The following DAB1 variants were observed in gnomAD, a reference collection of about 807,000 sequenced individuals.
DAB1 encodes the protein DAB adaptor protein 1, also known as disabled homolog 1.
In DAB1, 15 loss-of-function variants were observed where a neutral mutation model predicts 64.6. That is an observed-to-expected ratio of 0.23 (90% CI 0.16 to 0.36). DAB1 has a LOEUF of 0.36. Ranked by LOEUF, DAB1 falls within the 10% of genes least tolerant of loss-of-function variation. DAB1 has a pLI of 1.00. For missense variants in DAB1, 596 were observed against 706.7 expected (o/e 0.84, Z 1.78); for synonymous variants, 235 against 251.9 (o/e 0.93, Z 0.64).
At chr1:57,188,449 A>T (rs992649450) in intron 2 of DAB1, among the ~76,000 whole-genome samples, 2 of 152,190 alleles carry the variant, frequency 1.3e-5, no homozygotes, top group African/African-American at 4.8e-5. Flanking sequence ...ATATAGTGAG[A>T]CCTAATGAAA....
intron 4 of DAB1, among the ~76,000 whole-genome samples, chr1:58,202,034 T>C (rs1007040699): frequency 3.3e-5 from 5 of 152,158 alleles, no homozygotes; most frequent in Admixed American, 6.5e-5. Context: ...GAAATGGGGA[T>C]GACAACAATC....
chr1:57,200,031 T>C (rs955610962), intron 2 of DAB1, among the ~76,000 whole-genome samples: 2 of 152,198 alleles, frequency 1.3e-5, no homozygotes, highest in Non-Finnish European at 2.9e-5. Context: ...ACTAGGTGAC[T>C]GAAACCACTA....
chr1:57,073,829 T>G (rs1225343530), intron 4 of DAB1, among the ~76,000 whole-genome samples: 1 of 152,250 alleles, frequency 6.6e-6, no homozygotes, highest in Non-Finnish European at 1.5e-5. Flanking sequence ...TTATTCCTAA[T>G]AAGTCTACAT....
At chr1:57,033,516 T>G (rs1230573401) in intron 9 of DAB1, 6 of 1,612,752 alleles carry the variant, frequency 3.7e-6, no homozygotes, top group African/African-American at 1.3e-5. Flanking sequence ...AGGGCTGTAA[T>G]TCTTACCGGG....
chr1:58,183,833 G>A lies in DAB1; in HGVS notation n.310-33245C>T, dbSNP rs191766230. Among the ~76,000 whole-genome samples the A allele has an allele frequency of 5.9e-5, 9 of 152,024 alleles. No individual in the cohort carries two copies. The South Asian group carries it at 6.2e-4, about 11-fold the overall frequency. On this transcript the variant is annotated intron_variant and non_coding_transcript_variant, in intron 4 of 20. Transcript: ENST00000485760. ...CCAGATTGTACAGCCACTAATGCTT[G>A]CAATCAGTTTTTCTTTTATTCCTCT...
At chr1:58,522,880 C>T (rs1421528095) in intron 2 of DAB1, among the ~76,000 whole-genome samples, 1 of 152,152 alleles carries the variant, frequency 6.6e-6, no homozygotes, top group Non-Finnish European at 1.5e-5. Flanking sequence ...TATCTTCACA[C>T]TGAGTAGACT....
At chr1:57,693,152 G>A (rs1646783633) in intron 6 of DAB1, among the ~76,000 whole-genome samples, 1 of 151,580 alleles carries the variant, frequency 6.6e-6, no homozygotes, top group Non-Finnish European at 1.5e-5. Context: ...CCTTTCACTG[G>A]CCTAAAGAGT....
chr1:57,454,260 C>T (rs1258730799), intron 7 of DAB1, among the ~76,000 whole-genome samples: 1 of 152,022 alleles, frequency 6.6e-6, no homozygotes, highest in African/African-American at 2.4e-5. Context: ...AACCTAACTG[C>T]CCATCAGTGA....
chr1:57,932,844 G>T lies in DAB1; in HGVS notation n.388-48682C>A, dbSNP rs531253736. On this transcript the variant is annotated intron_variant and non_coding_transcript_variant, in intron 5 of 20. Transcript: ENST00000485760. ...ATTTGTATCTTTATATGTAAAATGG[G>T]TTTCTTGTAGACAAAATATAGTTGG... 4.6e-5 allele frequency among the ~76,000 whole-genome samples: 7 copies of T among 152,148 alleles called. No individual in the cohort carries two copies. The East Asian group carries it at 1.2e-3, about 25-fold the overall frequency.
chr1:57,028,602 C>T lies in DAB1; in HGVS notation c.724-2559G>A, dbSNP rs1190667845. ...GAACTTCCTAGAGACTTGTTGAATG[C>T]CTTTGCCCAAAATGCTGATAGTGAT... On this transcript the variant is annotated intron_variant, in intron 9 of 14. Transcript: ENST00000371236. 7.9e-5 allele frequency among the ~76,000 whole-genome samples: 12 copies of T among 152,226 alleles called. No homozygotes were observed. In the East Asian group the frequency reaches 2.1e-3, roughly 27 times the overall value.
intron 2 of DAB1, among the ~76,000 whole-genome samples, chr1:58,517,152 G>C (rs1210615529): frequency 6.6e-6 from 1 of 152,142 alleles, no homozygotes; most frequent in African/African-American, 2.4e-5. Context: ...GATTTGAAGA[G>C]GTTAAGTGAT....
At chr1:58,122,183 G>T (rs1652784713) in intron 5 of DAB1, among the ~76,000 whole-genome samples, 1 of 152,186 alleles carries the variant, frequency 6.6e-6, no homozygotes, top group African/African-American at 2.4e-5. Flanking sequence ...GAACCAAAGA[G>T]AATATCTTAG....
upstream of DAB1, among the ~76,000 whole-genome samples, chr1:57,886,163 CTTTT>C (rs36101963): frequency 3.1e-5 from 4 of 129,484 alleles, no homozygotes; most frequent in African/African-American, 2.9e-5. Context: ...GCCTACTATT[CTTTT>C]TTTTTTTTTT....
intron 7 of DAB1, among the ~76,000 whole-genome samples, chr1:57,451,369 T>A (rs2101154332): frequency 1.3e-5 from 2 of 152,360 alleles, no homozygotes; most frequent in South Asian, 4.1e-4. Flanking sequence ...TATCACATCC[T>A]GCTGGTTTAT....
intron 5 of DAB1, among the ~76,000 whole-genome samples, chr1:58,028,164 C>CTA (rs202057381): frequency 0.029 from 4,390 of 152,252 alleles, 164 homozygotes; most frequent in African/African-American, 0.082. Flanking sequence ...TGATTATTAT[C>CTA]TGCAGTAGCT....
chr1:57,759,494 G>T (rs1648969247), intron 6 of DAB1, among the ~76,000 whole-genome samples: 1 of 152,138 alleles, frequency 6.6e-6, no homozygotes, highest in Non-Finnish European at 1.5e-5. Flanking sequence ...GCTTGAAATT[G>T]TTGTCACTTC....
chr1:58,344,475 T>C (rs373583950), intron 3 of DAB1, among the ~76,000 whole-genome samples: 5 of 152,170 alleles, frequency 3.3e-5, no homozygotes, highest in Middle Eastern at 3.2e-3. Flanking sequence ...AGGGCTCATA[T>C]TGACAACAGA....
At chr1:57,832,804 T>C (rs1406989170) in intron 1 of DAB1, among the ~76,000 whole-genome samples, 2 of 152,166 alleles carry the variant, frequency 1.3e-5, no homozygotes, top group East Asian at 1.9e-4. Context: ...GGATTGTTTA[T>C]GTTTCCAAGG....
At chr1:58,248,932 C>A in intron 4 of DAB1, among the ~76,000 whole-genome samples, 1 of 152,124 alleles carries the variant, frequency 6.6e-6, no homozygotes, top group South Asian at 2.1e-4. Context: ...CAGTAAGGAA[C>A]CTCGGTCTGC....
Sources: gnomAD v4.1 joint callset for allele counts (sites outside exome capture counted in the v4.1 genomes callset) on GRCh38, gnomAD v4.1.1 for gene constraint, MANE v1.5 for transcripts, NCBI Gene and HGNC (gene_info 2026-07-23, HGNC 2026-07-21) for gene names.